The following OSBPL3 variants were observed in gnomAD, a reference collection of about 807,000 sequenced individuals.
The protein encoded by OSBPL3 is oxysterol-binding protein-related protein 3.
OSBPL3 carries 65 observed loss-of-function variants against 120.1 expected under a neutral mutation model. That is an observed-to-expected ratio of 0.54 (90% CI 0.44 to 0.67). OSBPL3 has a LOEUF of 0.67. Among genes scored for constraint, OSBPL3 ranks in the 30% least tolerant of loss-of-function variants. OSBPL3 has a pLI of 0.00. For missense variants in OSBPL3, 1,004 were observed against 1,082.1 expected (o/e 0.93, Z 1.01); for synonymous variants, 416 against 402.6 (o/e 1.03, Z -0.40).
chr7:24,968,351 G>A lies in OSBPL3; in HGVS notation c.-150+11535C>T, dbSNP rs549057654. ...ATCAGCCAAGGGCTTGGGAAGTCAC[G>A]CACAGTTGGTTCCCACATGCCGGTG... On this transcript the variant is annotated intron_variant, in intron 1 of 22. Coordinates refer to ENST00000313367, the MANE Select transcript of OSBPL3 (RefSeq NM_015550.4). The surrounding 1 kb of genome is among the most constrained non-coding windows in gnomAD (Gnocchi z 4.6). 2.0e-5 allele frequency among the ~76,000 whole-genome samples: 3 copies of A among 152,148 alleles called. No individual in the cohort carries two copies. The highest frequency in any genetic ancestry group is 7.2e-5 in the African/African-American group (3 of 41,434).
chr7:24,812,119 C>T (rs1418058557), intron 19 of OSBPL3, among the ~76,000 whole-genome samples: 1 of 151,938 alleles, frequency 6.6e-6, no homozygotes, highest in Non-Finnish European at 1.5e-5. Flanking sequence ...CCAGCCTGTC[C>T]AACATGGTGA....
Position 24,898,151 on chromosome 7 carries a change from T to C in OSBPL3, c.-149-5530A>G, listed in dbSNP as rs1367681986. On this transcript the variant is annotated intron_variant, in intron 1 of 22. Transcript: ENST00000313367. The surrounding 1 kb of genome is among the most constrained non-coding windows in gnomAD (Gnocchi z 4.3). Reference sequence around the variant, plus strand: ...ACACCCTGATTTCAAAAATGTTACATGGTCAAAAGCAGGGCTTTGGTTATT... The same window carrying C: ...ACACCCTGATTTCAAAAATGTTACACGGTCAAAAGCAGGGCTTTGGTTATT... Among the ~76,000 whole-genome samples the C allele has an allele frequency of 1.3e-5, 2 of 152,218 alleles. No individual in the cohort carries two copies. The highest frequency in any genetic ancestry group is 4.8e-5 in the African/African-American group (2 of 41,442).
In OSBPL3 at chr7:24,830,640, T is replaced by C; in HGVS notation, c.1884+128A>G. On this transcript the variant is annotated intron_variant, in intron 16 of 22. Transcript: ENST00000313367. The surrounding 1 kb of genome is among the most constrained non-coding windows in gnomAD (Gnocchi z 4.4). ...GGGAAATCGATCCCTCCCTTTATGTTGAAAAGCACTGTAATTATCTCGGCT... is the reference window on the plus strand; with the variant it reads ...GGGAAATCGATCCCTCCCTTTATGTCGAAAAGCACTGTAATTATCTCGGCT... 1 of 947,650 alleles carries C rather than the reference T, an allele frequency of 1.1e-6. No homozygotes were observed. Among genetic ancestry groups the C allele is most frequent in the Non-Finnish European group, 1.6e-6 (1 of 640,680 alleles). 58.7% of individuals were successfully genotyped at this position (947,650 alleles called of 1,614,324 possible).
chr7:24,806,242 C>A lies in OSBPL3; in HGVS notation c.2444+534G>T, dbSNP rs1290824627. Among the ~76,000 whole-genome samples the A allele has an allele frequency of 1.3e-5, 2 of 152,198 alleles. No individual in the cohort carries two copies. The highest frequency in any genetic ancestry group is 2.9e-5 in the Non-Finnish European group (2 of 68,034). The stretch of plus-strand genomic sequence containing the variant: ...AAAGTGTTGTTTGTTTTTAATAAAG[C>A]CAAATGTAACAATCTTTTCTTTCCT... On this transcript the variant is annotated intron_variant, in intron 21 of 22. Coordinates refer to ENST00000313367, the MANE Select transcript of OSBPL3 (RefSeq NM_015550.4). This position sits in a 1 kb window ranked among gnomAD's most constrained non-coding sequence, Gnocchi z 5.2.
chr7:24,975,620 C>T (rs1817500872), intron 1 of OSBPL3, among the ~76,000 whole-genome samples: 1 of 152,130 alleles, frequency 6.6e-6, no homozygotes, highest in Non-Finnish European at 1.5e-5. Context: ...ACCCTGCCTT[C>T]AAGGCATTTA....
At position 24,798,237 on chromosome 7, in the gene OSBPL3, T is replaced by C. The variant is rs925230088; in HGVS notation, c.*1946A>G. On this transcript the variant is annotated 3_prime_UTR_variant, in exon 23 of 23. Coordinates refer to ENST00000313367, the MANE Select transcript of OSBPL3 (RefSeq NM_015550.4). The surrounding 1 kb of genome is among the most constrained non-coding windows in gnomAD (Gnocchi z 4.6). ...CCAAATGCCACATGACAGTGCTACG[T>C]CCATTCAGGCTGTGCATTTTGTTTT... 8 of 152,228 alleles carry C rather than the reference T, an allele frequency of 5.3e-5. No individual in the cohort carries two copies. The highest frequency in any genetic ancestry group is 2.6e-4 in the Admixed American group (4 of 15,286). 9.4% of individuals were successfully genotyped at this position (152,228 alleles called of 1,614,324 possible).
chr7:24,918,027 A>AAAATG lies in OSBPL3; in HGVS notation c.-149-25411_-149-25407dup. 4 of 966,084 alleles carry AAAATG rather than the reference A, an allele frequency of 4.1e-6. No homozygotes were observed. The highest frequency in any genetic ancestry group is 1.2e-6 in the Non-Finnish European group (1 of 812,172). 59.8% of individuals were successfully genotyped at this position (966,084 alleles called of 1,614,324 possible). ...AAATTCAGTGATCCTATGAGTCCAT[A>AAAATG]AAATGACTAGCACTCTTACCTATAA... On this transcript the variant is annotated intron_variant, in intron 1 of 22. Transcript: ENST00000313367. This position sits in a 1 kb window ranked among gnomAD's most constrained non-coding sequence, Gnocchi z 4.3.
chr7:24,846,447 T>C (rs1227475652), intron 12 of OSBPL3, among the ~76,000 whole-genome samples: 9 of 152,222 alleles, frequency 5.9e-5, no homozygotes, highest in Admixed American at 5.9e-4. Flanking sequence ...TTCAAATGCA[T>C]GCCGATATAG....
At chr7:24,826,172 A>G (rs1181233498) in intron 16 of OSBPL3, among the ~76,000 whole-genome samples, 13 of 152,202 alleles carry the variant, frequency 8.5e-5, no homozygotes, top group Non-Finnish European at 1.3e-4. Context: ...CTGCCAGAGG[A>G]TACTTAGTCC....
At position 24,831,313 on chromosome 7, in the gene OSBPL3, T is replaced by A. The variant is rs1390377733; in HGVS notation, c.1747-408A>T. 6.6e-6 allele frequency among the ~76,000 whole-genome samples: 1 copy of A among 152,004 alleles called. No homozygotes were observed. Among genetic ancestry groups the A allele is most frequent in the Admixed American group, 6.6e-5 (1 of 15,244 alleles). ...GTATTAAAAAAGGAGTGTTAAAAAA[T>A]CCCTCCAAAACTCAGGAATCAGCAT... On this transcript the variant is annotated intron_variant, in intron 15 of 22. Transcript: ENST00000313367. This position sits in a 1 kb window ranked among gnomAD's most constrained non-coding sequence, Gnocchi z 4.0.
intron 1 of OSBPL3, among the ~76,000 whole-genome samples, chr7:24,960,167 G>T (rs910514612): frequency 6.6e-6 from 1 of 152,134 alleles, no homozygotes; most frequent in Non-Finnish European, 1.5e-5. Context: ...CAGACAAAGA[G>T]AGTGTGAGAG....
At chr7:24,840,070 T>G (rs1584323131) in intron 14 of OSBPL3, among the ~76,000 whole-genome samples, 2 of 150,748 alleles carry the variant, frequency 1.3e-5, no homozygotes, top group East Asian at 3.9e-4. Context: ...ACACTCACTT[T>G]ATAAAAATAA....
rs1337131609 is a variant in OSBPL3, at chr7:24,959,069, AAAAAG to A, written c.-150+20812_-150+20816del. ...AACATTCACTAGAATGGCTAAAATA[AAAAAG>A]AAAAGAACAAGTACAGATGTAGAGC... On this transcript the variant is annotated intron_variant, in intron 1 of 22. Coordinates refer to ENST00000313367, the MANE Select transcript of OSBPL3 (RefSeq NM_015550.4). This position sits in a 1 kb window ranked among gnomAD's most constrained non-coding sequence, Gnocchi z 4.3. Among the ~76,000 whole-genome samples the A allele has an allele frequency of 1.3e-5, 2 of 152,212 alleles. No individual in the cohort carries two copies. The highest frequency in any genetic ancestry group is 1.5e-5 in the Non-Finnish European group (1 of 68,010).
chr7:24,899,846 G>C lies in OSBPL3; in HGVS notation c.-149-7225C>G, dbSNP rs77598101. Among the ~76,000 whole-genome samples the C allele has an allele frequency of 5.7e-3, 874 of 152,324 alleles. 2 individuals are homozygous for C. The highest frequency in any genetic ancestry group is 0.032 in the South Asian group (153 of 4,828). Reference sequence around the variant, plus strand: ...AAGATGCAGATTTTGCTCCACTTTAGATGAGTTGAATCAGAATTTCTATCT... The same window carrying C: ...AAGATGCAGATTTTGCTCCACTTTACATGAGTTGAATCAGAATTTCTATCT... On this transcript the variant is annotated intron_variant, in intron 1 of 22. Coordinates refer to ENST00000313367, the MANE Select transcript of OSBPL3 (RefSeq NM_015550.4). The surrounding 1 kb of genome is among the most constrained non-coding windows in gnomAD (Gnocchi z 4.0).
At chr7:24,836,567 CCTT>C (rs1319945635) in intron 14 of OSBPL3, among the ~76,000 whole-genome samples, 3 of 152,082 alleles carry the variant, frequency 2.0e-5, no homozygotes, top group Non-Finnish European at 4.4e-5. Flanking sequence ...TCAATCTTTT[CCTT>C]CGTTTCATGC....
intron 1 of OSBPL3, among the ~76,000 whole-genome samples, chr7:24,957,921 T>C (rs1179182555): frequency 6.6e-6 from 1 of 152,160 alleles, no homozygotes; most frequent in Non-Finnish European, 1.5e-5. Flanking sequence ...CTTTTTTCCA[T>C]TTAACAATAA....
intron 7 of OSBPL3, among the ~76,000 whole-genome samples, chr7:24,864,731 A>G (rs1801064052): frequency 6.6e-6 from 1 of 152,162 alleles, no homozygotes; most frequent in South Asian, 2.1e-4. Flanking sequence ...CCCGCTGTGG[A>G]TCTTTTCGGT....
intron 2 of OSBPL3, among the ~76,000 whole-genome samples, chr7:24,887,211 A>G (rs1298561675): frequency 2.6e-5 from 4 of 152,194 alleles, no homozygotes; most frequent in African/African-American, 9.7e-5. Flanking sequence ...ATCCACTTAG[A>G]ACTCTAGAAT....
chr7:24,902,885 G>A (rs1350406268), intron 1 of OSBPL3, among the ~76,000 whole-genome samples: 1 of 152,098 alleles, frequency 6.6e-6, no homozygotes, highest in African/African-American at 2.4e-5. Context: ...TCAGTAGCAA[G>A]AGATGAGTAT....
Sources: allele counts gnomAD v4.1 joint callset (sites outside exome capture counted in the v4.1 genomes callset), GRCh38; gene constraint gnomAD v4.1.1; non-coding constraint Gnocchi (gnomAD v3.1); transcripts MANE v1.5; gene names NCBI Gene and HGNC (gene_info 2026-07-23, HGNC 2026-07-21).